ZNF514: variants seen among roughly 807,000 people sequenced by gnomAD.
ZNF514 encodes the protein zinc finger protein 514.
ZNF514 carries 12 observed loss-of-function variants against 9.7 expected under a neutral mutation model. The observed-to-expected ratio is 1.24, with a 90% CI of 0.79 to 2.01. ZNF514 has a LOEUF of 2.01. Ranked by LOEUF, ZNF514 falls within the 30% of genes most tolerant of loss-of-function variation. The pLI is 0.00. For synonymous variants in ZNF514, 158 were observed against 163.7 expected (o/e 0.97, Z 0.27); for missense variants, 467 against 465.5 (o/e 1.00, Z -0.03).
At chr2:95,132,144 CAAAAAAAAAAA>C in the ZNF514 span, among the ~76,000 whole-genome samples, 4 of 16,624 alleles carry the variant, frequency 2.4e-4, no homozygotes, top group African/African-American at 6.8e-4. Flanking sequence ...GACTCTGTCT[CAAAAAAAAAAA>C]AAAAAAAAAA....
At chr2:95,133,288 A>T in the ZNF514 span, among the ~76,000 whole-genome samples, 1 of 152,040 alleles carries the variant, frequency 6.6e-6, no homozygotes, top group African/African-American at 2.4e-5. Context: ...GAGCTGCGAC[A>T]ACACCACTGC....
At chr2:95,137,182 G>A in the ZNF514 span, among the ~76,000 whole-genome samples, 19 of 152,256 alleles carry the variant, frequency 1.2e-4, no homozygotes, top group South Asian at 4.1e-4. Flanking sequence ...TGATTACCAC[G>A]CCAAAGAAGC....
intron 4 of ZNF514, among the ~76,000 whole-genome samples, chr2:95,152,098 C>T (rs749705027): frequency 1.3e-5 from 2 of 152,188 alleles, no homozygotes; most frequent in Non-Finnish European, 2.9e-5. Flanking sequence ...GTCAAGAATT[C>T]TGCTCCAAGG....
chr2:95,154,047 T>A (rs1673617255), intron 2 of ZNF514: 1 of 152,236 alleles, frequency 6.6e-6, no homozygotes, highest in Admixed American at 6.5e-5. Context: ...TATAGTGACC[T>A]CTTTTGATAG....
At chr2:95,131,745 G>A in the ZNF514 span, among the ~76,000 whole-genome samples, 2 of 152,076 alleles carry the variant, frequency 1.3e-5, no homozygotes, top group African/African-American at 4.8e-5. Context: ...ACAACCACAG[G>A]CAAAATAAAT....
chr2:95,126,392 A>AAAAAAAAAAAAAAAAAAAAAAG, the ZNF514 span, among the ~76,000 whole-genome samples: 2 of 84,444 alleles, frequency 2.4e-5, no homozygotes, highest in East Asian at 3.3e-4. Flanking sequence ...AAAAAAAAAA[A>AAAAAAAAAAAAAAAAAAAAAAG]AAAGAAAGAA....
rs550572377 is a variant in ZNF514, at chr2:95,146,967, C to G, written c.*2315G>C. On this transcript the variant is annotated 3_prime_UTR_variant, in exon 5 of 5. Coordinates refer to ENST00000295208, the MANE Select transcript of ZNF514 (RefSeq NM_032788.3). ...TGTGCATCCTACCTGCCCTGGCCAA[C>G]CTTGTGGACTCTTAGACCCAGCCTG... 3.3e-5 allele frequency among the ~76,000 whole-genome samples: 5 copies of G among 152,294 alleles called. No individual in the cohort carries two copies. Among genetic ancestry groups the G allele is most frequent in the South Asian group, 4.2e-4 (2 of 4,816 alleles).
downstream of ZNF514, among the ~76,000 whole-genome samples, chr2:95,143,549 G>A (rs1673295413): frequency 2.0e-5 from 3 of 152,180 alleles, no homozygotes; most frequent in African/African-American, 4.8e-5. Flanking sequence ...AACCCGGGAG[G>A]CAGAAGTTAC....
At chr2:95,136,027 G>A in the ZNF514 span, among the ~76,000 whole-genome samples, 2 of 151,930 alleles carry the variant, frequency 1.3e-5, no homozygotes, top group African/African-American at 4.8e-5. Context: ...TCGTACCACT[G>A]CACTCTAGCC....
intron 4 of ZNF514, among the ~76,000 whole-genome samples, chr2:95,150,509 T>G (rs1673509487): frequency 6.6e-6 from 1 of 152,048 alleles, no homozygotes; most frequent in Non-Finnish European, 1.5e-5. Flanking sequence ...TAGATTCCAG[T>G]ACACAAGGTA....
the ZNF514 span, among the ~76,000 whole-genome samples, chr2:95,132,696 C>T: frequency 3.3e-5 from 5 of 151,808 alleles, no homozygotes; most frequent in African/African-American, 9.7e-5. Flanking sequence ...GGCGAAACCC[C>T]GTCTCCACTA....
chr2:95,143,863 T>C (rs1386854126), downstream of ZNF514, among the ~76,000 whole-genome samples: 1 of 152,192 alleles, frequency 6.6e-6, no homozygotes, highest in Non-Finnish European at 1.5e-5. Flanking sequence ...CTTGTACTCT[T>C]AGTTAAATAA....
At chr2:95,128,440 C>A in the ZNF514 span, among the ~76,000 whole-genome samples, 3 of 151,302 alleles carry the variant, frequency 2.0e-5, no homozygotes, top group Non-Finnish European at 4.4e-5. Flanking sequence ...CCCTGTAATC[C>A]CAGCTACTTG....
the ZNF514 span, among the ~76,000 whole-genome samples, chr2:95,132,640 T>C: frequency 6.6e-6 from 1 of 152,000 alleles, no homozygotes; most frequent in Admixed American, 6.6e-5. Flanking sequence ...GAGGCAAAGA[T>C]GGGTGGATCA....
At chr2:95,133,140 T>C in the ZNF514 span, among the ~76,000 whole-genome samples, 1 of 152,006 alleles carries the variant, frequency 6.6e-6, no homozygotes, top group Non-Finnish European at 1.5e-5. Context: ...TACACACAAT[T>C]TGGGTGACTC....
At chr2:95,141,657 G>A (rs1320177974), downstream of ZNF514, among the ~76,000 whole-genome samples, 1 of 152,162 alleles carries the variant, frequency 6.6e-6, no homozygotes. Context: ...TACTGGAAGA[G>A]TCATCCAAGA....
chr2:95,141,931 T>C (rs1673243265), downstream of ZNF514, among the ~76,000 whole-genome samples: 1 of 152,226 alleles, frequency 6.6e-6, no homozygotes, highest in African/African-American at 2.4e-5. Context: ...ATAAATTATC[T>C]TGAATAGTAG....
At chr2:95,125,810 A>T in the ZNF514 span, among the ~76,000 whole-genome samples, 2 of 152,216 alleles carry the variant, frequency 1.3e-5, no homozygotes, top group Admixed American at 1.3e-4. Context: ...TAATATTATG[A>T]ATAATATTCC....
chr2:95,154,752 T>G (rs1673645012), intron 2 of ZNF514: 1 of 152,168 alleles, frequency 6.6e-6, no homozygotes, highest in Admixed American at 6.5e-5. Flanking sequence ...GACAACCAAT[T>G]CTCATTTCCA....
Sources: allele counts gnomAD v4.1 joint callset (sites outside exome capture counted in the v4.1 genomes callset), GRCh38; gene constraint gnomAD v4.1.1; transcripts MANE v1.5; gene names NCBI Gene and HGNC (gene_info 2026-07-23, HGNC 2026-07-21).